Variants in ATXN2 observed in about 807,000 individuals in gnomAD.
ATXN2 encodes the protein ataxin 2.
ATXN2 carries 37 observed loss-of-function variants against 138.6 expected under a neutral mutation model. The observed-to-expected ratio is 0.27, with a 90% CI of 0.21 to 0.35. The LOEUF (loss-of-function observed/expected upper bound fraction) is 0.35, where lower values mean the gene tolerates loss of function less well. ATXN2 is among the 10% of genes least tolerant of loss of function. ATXN2 has a pLI of 1.00. For missense variants in ATXN2, 1,216 were observed against 1,480.3 expected (o/e 0.82, Z 2.93); for synonymous variants, 549 against 543.7 (o/e 1.01, Z -0.13).
chr12:111,593,189 G>GTTTAGGAATAGAGTAACAATTGTAA (rs1201824982), intron 1 of ATXN2, among the ~76,000 whole-genome samples: 1 of 151,896 alleles, frequency 6.6e-6, no homozygotes, highest in Non-Finnish European at 1.5e-5. Flanking sequence ...CAACCTCCGG[G>GTTTAGGAATAGAGTAACAATTGTAA]ATCAAGCAAT....
chr12:111,456,407 G>C, intron 22 of ATXN2, 151 bp from the exon 23 acceptor site: 1 of 759,618 alleles, frequency 1.3e-6, no homozygotes, highest in South Asian at 1.7e-5. Context: ...GAGCAAGGCT[G>C]GAGGTGCCTC....
At position 111,452,841 on chromosome 12, in the gene ATXN2, C is replaced by T; in HGVS notation, c.3440-1G>A. 1.2e-6 allele frequency: 2 copies of T among 1,609,974 alleles called. No individual in the cohort carries two copies. The highest frequency in any genetic ancestry group is 2.7e-5 in the African/African-American group (2 of 74,832). Reference sequence around the variant, plus strand: ...AACTGCTGTTGGTGGTGGGCTTGTACTGTAAAAAGAAAAGCGAACATTGAA... The same window carrying T: ...AACTGCTGTTGGTGGTGGGCTTGTATTGTAAAAAGAAAAGCGAACATTGAA... On this transcript the variant is annotated splice_acceptor_variant, in intron 24 of 24. Transcript: ENST00000673436. LOFTEE classifies it high-confidence loss of function.
chr12:111,555,454 TAGTG>T (rs1195140614), intron 2 of ATXN2, among the ~76,000 whole-genome samples: 2 of 152,144 alleles, frequency 1.3e-5, no homozygotes, highest in Admixed American at 6.6e-5. Flanking sequence ...GCTCTCATGA[TAGTG>T]AGTGAGTTCT....
chr12:111,541,664 G>A (rs1881526261), intron 5 of ATXN2, among the ~76,000 whole-genome samples: 1 of 149,086 alleles, frequency 6.7e-6, no homozygotes, highest in Non-Finnish European at 1.5e-5. Flanking sequence ...GACATATTTT[G>A]TAGGGCAAGT....
chr12:111,481,314 G>A (rs953164597), intron 18 of ATXN2, among the ~76,000 whole-genome samples: 2 of 152,134 alleles, frequency 1.3e-5, no homozygotes, highest in African/African-American at 4.8e-5. Context: ...GTGTGGTGGC[G>A]TATGCCTGCA....
At chr12:111,474,611 C>CA (rs142325871) in intron 18 of ATXN2, among the ~76,000 whole-genome samples, 15,519 of 151,722 alleles carry the variant, frequency 0.1, 2,652 homozygotes, top group African/African-American at 0.35. Context: ...ATCTCAAAAA[C>CA]AAAAAACAAA....
intron 5 of ATXN2, among the ~76,000 whole-genome samples, chr12:111,539,524 G>T (rs560438506): frequency 3.3e-5 from 5 of 150,382 alleles, no homozygotes; most frequent in African/African-American, 1.2e-4. Context: ...GAGGCGGATG[G>T]ATCACGAGGT....
At position 111,598,972 on chromosome 12, in the gene ATXN2, CTG is replaced by C. The variant is rs1885098849; in HGVS notation, c.61_62del (p.Gln21AlafsTer68). ...QQQQQQQQQQ[Q>X]QQQQQQQPPP... ...GCGGCTGCTGCTGCTGCTGCTGCTG[CTG>C]CTGTTGCTGCTGCTGCTGCTGCTGC... On this transcript the variant is annotated frameshift_variant, in exon 1 of 25. Transcript: ENST00000673436. LOFTEE classifies it high-confidence loss of function. This position sits in a 1 kb window ranked among gnomAD's most constrained non-coding sequence, Gnocchi z 4.5. 5 of 1,428,636 alleles carry C rather than the reference CTG, an allele frequency of 3.5e-6. No individual in the cohort carries two copies. Among genetic ancestry groups the C allele is most frequent in the Non-Finnish European group, 4.7e-6 (5 of 1,070,568 alleles). The allele number at this position is 1,428,636 out of a possible 1,614,324, so 88.5% of individuals were successfully genotyped here.
In ATXN2 at chr12:111,452,375, G is replaced by A. The variant is rs1161114436; in HGVS notation, c.*437C>T. 1 of 154,526 alleles carries A rather than the reference G, an allele frequency of 6.5e-6. No individual in the cohort carries two copies. The highest frequency in any genetic ancestry group is 1.4e-5 in the Non-Finnish European group (1 of 69,904). The allele number at this position is 154,526 out of a possible 1,614,324, so 9.6% of individuals were successfully genotyped here. On this transcript the variant is annotated 3_prime_UTR_variant, in exon 25 of 25. Coordinates refer to ENST00000673436, the MANE Select transcript of ATXN2 (RefSeq NM_001372574.1). ...TAAATAATAATCCGTCAGTTTGACG[G>A]TAAGAATTTACTGAAACTTTGTCAA...
At chr12:111,556,326 C>T (rs149459161) in intron 1 of ATXN2, among the ~76,000 whole-genome samples, 249 of 152,214 alleles carry the variant, frequency 1.6e-3, no homozygotes, top group Non-Finnish European at 2.9e-3. Context: ...CAGTAGGCTA[C>T]GATCATTCCA....
At chr12:111,522,228 TA>T (rs35035921) in intron 6 of ATXN2, among the ~76,000 whole-genome samples, 43,212 of 108,036 alleles carry the variant, frequency 0.4, 7,320 homozygotes, top group East Asian at 0.88. Context: ...ATGCCCTACA[TA>T]AAAAAAAAAA....
rs570151752 is a variant in ATXN2 at position 111,481,003 on chromosome 12, C to T, written c.2524+4262G>A. Among the ~76,000 whole-genome samples, 25 of 152,230 alleles carry T rather than the reference C, an allele frequency of 1.6e-4. No individual in the cohort carries two copies. In the South Asian group the frequency reaches 4.6e-3, roughly 28 times the overall value. On this transcript the variant is annotated intron_variant, in intron 18 of 24. Coordinates refer to ENST00000673436, the MANE Select transcript of ATXN2 (RefSeq NM_001372574.1). ...AAAACTGTGTTACAAAGAACACCAT[C>T]AAGCAAGTAAAAAGATAACCTATAG...
intron 8 of ATXN2, 68 bp from the exon 9 acceptor site, chr12:111,518,495 A>C: frequency 6.8e-7 from 1 of 1,463,698 alleles, no homozygotes; most frequent in African/African-American, 1.4e-5. Context: ...CATATCTAAA[A>C]GTCATCTAGA....
intron 1 of ATXN2, among the ~76,000 whole-genome samples, chr12:111,567,496 T>C (rs1360846580): frequency 7.3e-6 from 1 of 136,892 alleles, no homozygotes; most frequent in African/African-American, 2.8e-5. Flanking sequence ...CGAGACCCCA[T>C]TTCAAAAAAA....
intron 5 of ATXN2, among the ~76,000 whole-genome samples, chr12:111,528,967 ATTTGTT>A (rs772030079): frequency 7.2e-5 from 11 of 152,234 alleles, no homozygotes; most frequent in East Asian, 1.9e-4. Flanking sequence ...TTTAAAAAAA[ATTTGTT>A]TTTGTTTTTG....
At chr12:111,581,655 T>C (rs949340987) in intron 1 of ATXN2, 1 of 737,800 alleles carries the variant, frequency 1.4e-6, no homozygotes, top group Non-Finnish European at 2.5e-6. Flanking sequence ...GTTGGCGACC[T>C]GATCAGGGCC....
chr12:111,482,798 C>A (rs1397509782), intron 18 of ATXN2: 1 of 150,092 alleles, frequency 6.7e-6, no homozygotes, highest in Non-Finnish European at 1.5e-5. Flanking sequence ...TTATTTCAGG[C>A]AGAGTTCTTT....
At chr12:111,529,898 AATC>A (rs1349978447) in intron 5 of ATXN2, among the ~76,000 whole-genome samples, 1 of 152,226 alleles carries the variant, frequency 6.6e-6, no homozygotes, top group African/African-American at 2.4e-5. Context: ...TGGATGAAAT[AATC>A]ATTAACATCA....
intron 14 of ATXN2, among the ~76,000 whole-genome samples, chr12:111,498,201 T>A (rs2339817): frequency 2.6e-4 from 39 of 152,162 alleles, no homozygotes; most frequent in East Asian, 2.3e-3. Context: ...TTCAACATAA[T>A]ACTCGGAAGT....
Sources: gnomAD v4.1 joint callset for allele counts (sites outside exome capture counted in the v4.1 genomes callset) on GRCh38, gnomAD v4.1.1 for gene constraint, Gnocchi (gnomAD v3.1) non-coding constraint, MANE v1.5 for transcripts, NCBI Gene and HGNC (gene_info 2026-07-23, HGNC 2026-07-21) for gene names.